The following COL6A3 variants were observed in gnomAD, a reference collection of about 807,000 sequenced individuals.
The protein encoded by COL6A3 is collagen type VI alpha 3 chain.
In COL6A3, 137 loss-of-function variants were observed where a neutral mutation model predicts 274.1. The observed-to-expected ratio is 0.50, with a 90% confidence interval of 0.44 to 0.58. The LOEUF is 0.58. Among genes scored for constraint, COL6A3 ranks in the 20% least tolerant of loss-of-function variants. COL6A3 has a pLI of 0.00. For missense variants in COL6A3, 3,950 were observed against 4,124.9 expected (o/e 0.96, Z 1.16); for synonymous variants, 1,650 against 1,650.6 (o/e 1.00, Z 0.01).
At position 237,364,213 on chromosome 2, in the gene COL6A3, C is replaced by T. The variant is rs189901095; in HGVS notation, c.5917+137G>A. ...CCAAGCAGGTGATGAAGGGCCACAA[C>T]GCTGGGAGGAAGAGTCTCCCAAGAC... is the stretch of plus-strand genomic sequence containing the variant. On this transcript the variant is annotated intron_variant, in intron 13 of 43. Coordinates refer to ENST00000295550, the MANE Select transcript of COL6A3 (RefSeq NM_004369.4). This position sits in a 1 kb window ranked among gnomAD's most constrained non-coding sequence, Gnocchi z 4.6. 269 of 737,470 alleles carry T rather than the reference C, an allele frequency of 3.6e-4. No homozygotes were observed. In the African/African-American group the frequency reaches 3.8e-3, roughly 11 times the overall value. The allele number at this position is 737,470 out of a possible 1,614,324, so 45.7% of individuals were successfully genotyped here.
chr2:237,381,009 C>G lies in COL6A3; in HGVS notation c.1803G>C (p.Leu601=). 6.2e-7 allele frequency: 1 copy of G among 1,614,196 alleles called. No homozygotes were observed. Among genetic ancestry groups the G allele is most frequent in the South Asian group, 1.1e-5 (1 of 91,084 alleles). The change falls in exon 5 of 44, where the codon CTG becomes CTC. Residue 601 remains leucine, a synonymous_variant. Transcript: ENST00000295550. ...ELEEIAFDSS[L]VFIPAEFRAA... ...CTCGGAACTCAGCTGGGATGAACAC[C>G]AGGGAGGAGTCGAAAGCGATCTCTT...
At chr2:237,338,955 G>A (rs963874339) in intron 39 of COL6A3, 60 bp downstream of exon 39, 9 of 1,347,574 alleles carry the variant, frequency 6.7e-6, no homozygotes, top group African/African-American at 4.3e-5. Flanking sequence ...GAGGTGGTTG[G>A]AGGACCTGTG....
intron 1 of COL6A3, among the ~76,000 whole-genome samples, chr2:237,409,721 C>T (rs1163496980): frequency 6.6e-6 from 1 of 152,104 alleles, no homozygotes; most frequent in Non-Finnish European, 1.5e-5. Context: ...TATGTTAAAA[C>T]CCATTGTCCA....
rs145581705 is a variant in COL6A3, at chr2:237,342,075, A to G, written c.7755T>C (p.His2585=). The G allele has an allele frequency of 4.5e-5, 72 of 1,614,192 alleles. No homozygotes were observed. The East Asian group carries it at 1.1e-3, about 24-fold the overall frequency. The change falls in exon 37 of 44, where the codon CAT becomes CAC. Residue 2585 remains histidine, a synonymous_variant. Coordinates refer to ENST00000295550, the MANE Select transcript of COL6A3 (RefSeq NM_004369.4). ...AGAGAAACAGCTTACCCAAGCAAAC[A>G]TGACACGTGAGGACATTCTCCAGGA... ...TDFLENVLTC[H]VCLDICNIDP... is the part of the protein sequence containing the mutation.
At chr2:237,365,549 G>A in intron 12 of COL6A3, 149 bp downstream of exon 12, 1 of 746,178 alleles carries the variant, frequency 1.3e-6, no homozygotes, top group Non-Finnish European at 2.4e-6. Flanking sequence ...CATGACATTA[G>A]ATCAGTTAAT....
At chr2:237,382,992 T>A (rs2078047875) in intron 4 of COL6A3, among the ~76,000 whole-genome samples, 1 of 152,104 alleles carries the variant, frequency 6.6e-6, no homozygotes. Flanking sequence ...AGAGATGGGG[T>A]TTCACCATGC....
In COL6A3 at chr2:237,387,807, G is replaced by A. The variant is rs759280111; in HGVS notation, c.1087C>T (p.Arg363Cys). 1.9e-5 allele frequency: 30 copies of A among 1,614,022 alleles called. No individual in the cohort carries two copies. The highest frequency in any genetic ancestry group is 8.3e-5 in the Admixed American group (5 of 59,998). The stretch of plus-strand genomic sequence containing the variant: ...TGCTTCAGTGCTACCACCCCGTAGC[G>A]AATCTCGTCACTAGAAGGCCCGGCA... Reference protein sequence around the residue: ...ISAGPSSDEIRYGVVALKQAS... With the variant: ...ISAGPSSDEICYGVVALKQAS... Residue 363 changes from arginine to cysteine, a missense_variant, in exon 4 of 44, where the codon CGC becomes TGC. By Grantham distance (180) the Arg-to-Cys change is radical (BLOSUM62 -3). This residue lies in a region of COL6A3 where 1,934 missense variants were observed against 1,984.3 expected (regional missense o/e 0.97). Coordinates refer to ENST00000295550, the MANE Select transcript of COL6A3 (RefSeq NM_004369.4).
At chr2:237,341,198 G>A in intron 37 of COL6A3, 48 bp from the exon 38 acceptor site, 1 of 1,511,250 alleles carries the variant, frequency 6.6e-7, no homozygotes, top group Non-Finnish European at 9.2e-7. Flanking sequence ...CCCACAGCAG[G>A]ATACACAGCT....
Position 237,346,502 on chromosome 2 carries a change from C to T in COL6A3, c.7092+1G>A. 1 of 1,613,920 alleles carries T rather than the reference C, an allele frequency of 6.2e-7. No homozygotes were observed. Among genetic ancestry groups the T allele is most frequent in the East Asian group, 2.2e-5 (1 of 44,876 alleles). On this transcript the variant is annotated splice_donor_variant, in intron 32 of 43. Coordinates refer to ENST00000295550, the MANE Select transcript of COL6A3 (RefSeq NM_004369.4). LOFTEE classifies it high-confidence loss of function. ...CGGGTCAGAACTGGATAAATACTTA[C>T]AGCTGGTCCTGGGTAGCCAGGGTCT...
intron 3 of COL6A3, 36 bp downstream of exon 3, chr2:237,394,551 G>T (rs962951431): frequency 1.6e-5 from 26 of 1,612,892 alleles, no homozygotes; most frequent in African/African-American, 2.7e-5. Flanking sequence ...CCCAAGAACA[G>T]CAGGGCAGGG....
chr2:237,369,187 AAAG>A lies in COL6A3; in HGVS notation c.4286-13_4286-11del. On this transcript the variant is annotated splice_polypyrimidine_tract_variant and intron_variant, in intron 9 of 43. Coordinates refer to ENST00000295550, the MANE Select transcript of COL6A3 (RefSeq NM_004369.4). ...GCATCACTCTCAACTGCTGCAGATC[AAAG>A]AAGAAAAAGGGAAACATTCAGTGTG... The A allele has an allele frequency of 6.2e-7, 1 of 1,606,698 alleles. No homozygotes were observed. The highest frequency in any genetic ancestry group is 8.5e-7 in the Non-Finnish European group (1 of 1,179,948).
In COL6A3 at chr2:237,325,552, T is replaced by C; in HGVS notation, c.9493+8A>G. The C allele has an allele frequency of 6.2e-7, 1 of 1,614,146 alleles. No homozygotes were observed. Among genetic ancestry groups the C allele is most frequent in the African/African-American group, 1.3e-5 (1 of 75,048 alleles). ...CAGAAGCCATAAACACAAGGAAGAA[T>C]CACTTACCAGGAGCGCAAACCTTTT... On this transcript the variant is annotated splice_region_variant and intron_variant, in intron 43 of 43. Coordinates refer to ENST00000295550, the MANE Select transcript of COL6A3 (RefSeq NM_004369.4).
In COL6A3 at chr2:237,379,171, A is replaced by T; in HGVS notation, c.1962T>A (p.Asn654Lys). Residue 654 changes from asparagine to lysine, a missense_variant, in exon 6 of 44, where the codon AAT becomes AAA. By Grantham distance (94) the Asn-to-Lys change is moderately conservative. Transcript: ENST00000295550. The stretch of plus-strand genomic sequence containing the variant: ...TTACAAAGTCGCGCACATAAGGGAA[A>T]TTGGTTTTTCCAACGTTGGCTGATC... ...LDGSANVGKT[N>K]FPYVRDFVMN... 6.2e-7 allele frequency: 1 copy of T among 1,614,254 alleles called. No homozygotes were observed. Among genetic ancestry groups the T allele is most frequent in the Non-Finnish European group, 8.5e-7 (1 of 1,180,042 alleles).
In COL6A3 at chr2:237,379,344, T is replaced by G. The variant is rs10209074; in HGVS notation, c.1898-109A>C. The G allele has an allele frequency of 1.4e-3, 1,838 of 1,340,188 alleles. 10 individuals carry two copies. In the African/African-American group the frequency reaches 0.023, roughly 17 times the overall value. The allele number at this position is 1,340,188 out of a possible 1,614,324, so 83.0% of individuals were successfully genotyped here. ...GCCAACATTTAGAACACAGAGAAAG[T>G]CAGCATGGCAAAGCATGTCCATCTT... On this transcript the variant is annotated intron_variant, in intron 5 of 43. Transcript: ENST00000295550.
At position 237,367,118 on chromosome 2, in the gene COL6A3, T is replaced by C. The variant is rs1294343899; in HGVS notation, c.5069A>G (p.Glu1690Gly). The C allele has an allele frequency of 6.2e-7, 1 of 1,614,086 alleles. No homozygotes were observed. The highest frequency in any genetic ancestry group is 8.5e-7 in the Non-Finnish European group (1 of 1,180,042). ...GGTAGAGAAGTCCTTCAGGAAGAAT[T>C]CGTCAGTGGGGTCAGAGTTGTACTG... ...LVQYNSDPTDEFFLKDFSTKR... is the reference protein window; with the variant it reads ...LVQYNSDPTDGFFLKDFSTKR... Residue 1690 changes from glutamate to glycine, a missense_variant, in exon 11 of 44, where the codon GAA (glutamate) becomes GGA (glycine). Glu to Gly is a moderately conservative substitution (Grantham distance 98). Transcript: ENST00000295550.
intron 42 of COL6A3, chr2:237,327,935 T>C (rs1289312330): frequency 6.6e-6 from 1 of 152,238 alleles, no homozygotes; most frequent in Non-Finnish European, 1.5e-5. Flanking sequence ...GACACGTCTT[T>C]GGATGCAATA....
In COL6A3 at chr2:237,380,986, C is replaced by T. The variant is rs149330325; in HGVS notation, c.1826G>A (p.Arg609Gln). ...CAGCATGCCTTGCAATGGGGCGGCT[C>T]GGAACTCAGCTGGGATGAACACCAG... ...SSLVFIPAEF[R>Q]AAPLQGMLPG... Residue 609 changes from arginine to glutamine, a missense_variant, in exon 5 of 44, where the codon CGA becomes CAA. Physicochemically the swap from Arg to Gln is conservative, Grantham distance 43 (BLOSUM62 1). Around this residue, in one of 5 missense-constraint regions of COL6A3, gnomAD observed 1,934 missense variants for 1,984.3 expected, o/e 0.97. Coordinates refer to ENST00000295550, the MANE Select transcript of COL6A3 (RefSeq NM_004369.4). The T allele has an allele frequency of 8.1e-5, 130 of 1,614,178 alleles. No individual in the cohort carries two copies. Among genetic ancestry groups the T allele is most frequent in the Admixed American group, 3.3e-4 (20 of 60,026 alleles).
chr2:237,374,452 C>T lies in COL6A3; in HGVS notation c.3639G>A (p.Leu1213=). The part of the protein sequence containing the change: ...ERVTQLTREE[L]SRLQPVLQPL... The stretch of plus-strand genomic sequence containing the variant: ...GCTGCAACACCGGCTGCAGCCTGCT[C>T]AGCTCCTCGCGGGTGAGCTGGGTCA... Residue 1213 remains leucine, a synonymous_variant, in exon 8 of 44, where the codon CTG becomes CTA. Transcript: ENST00000295550. This position sits in a 1 kb window ranked among gnomAD's most constrained non-coding sequence, Gnocchi z 4.8. 6.2e-7 allele frequency: 1 copy of T among 1,613,714 alleles called. No individual in the cohort carries two copies. Among genetic ancestry groups the T allele is most frequent in the South Asian group, 1.1e-5 (1 of 91,066 alleles).
rs1233151364 is a variant in COL6A3, at chr2:237,368,761, T to C, written c.4702A>G (p.Ile1568Val). The C allele has an allele frequency of 6.2e-7, 1 of 1,614,106 alleles. No individual in the cohort carries two copies. Among genetic ancestry groups the C allele is most frequent in the African/African-American group, 1.3e-5 (1 of 74,940 alleles). The change falls in exon 10 of 44, where the codon ATT becomes GTT. Residue 1568 changes from isoleucine (I) to valine (V), a missense_variant. Ile to Val is a conservative substitution (Grantham distance 29). Around this residue, in one of 5 missense-constraint regions of COL6A3, gnomAD observed 632 missense variants for 623.4 expected, o/e 1.01. Transcript: ENST00000295550. The surrounding 1 kb of genome is among the most constrained non-coding windows in gnomAD (Gnocchi z 4.4). ...RFAQVIRSSG[I>V]VSLGVGDRNI... ...CGGTCTCCTACCCCTAAACTCACAA[T>C]GCCCGAGGAACGGATCACCTGGGCG...
Sources: allele counts gnomAD v4.1 joint callset (sites outside exome capture counted in the v4.1 genomes callset), GRCh38; gene constraint gnomAD v4.1.1; regional missense constraint gnomAD v4.1.1; non-coding constraint Gnocchi (gnomAD v3.1); transcripts MANE v1.5; gene names NCBI Gene and HGNC (gene_info 2026-07-23, HGNC 2026-07-21).